The following PMF1 variants were observed in gnomAD, a reference collection of about 807,000 sequenced individuals.
PMF1 encodes the protein polyamine modulated factor 1.
In PMF1, 21 loss-of-function variants were observed where a neutral mutation model predicts 26.7. The ratio of observed to expected loss-of-function variants is 0.79; its 90% CI spans 0.56 to 1.13. PMF1 has a LOEUF of 1.13. Ranked by LOEUF, PMF1 falls within the 50% of genes most tolerant of loss-of-function variation. The pLI, the probability that PMF1 is intolerant of heterozygous loss-of-function variation, is 0.00. For synonymous variants in PMF1, 105 were observed against 101.0 expected, an observed-to-expected ratio of 1.04 and a Z score of -0.24; for missense variants, 266 against 254.9, an observed-to-expected ratio of 1.04 and a Z score of -0.30.
chr1:156,239,515 CCCAGT>C (rs754693293), intron 4 of PMF1, 28 bp from the exon 5 acceptor site: 7 of 1,594,966 alleles, frequency 4.4e-6, no homozygotes, highest in Non-Finnish European at 6.0e-6. Flanking sequence ...TTTCTTAGAT[CCCAGT>C]TTGTCTGTTG....
In PMF1 at chr1:156,239,152, C is replaced by G. The variant is rs73008609; in HGVS notation, c.565-396C>G. ...TAAAGCCATGCCCCACCCATTCCAG[C>G]TACAGACCCTCACGTTGTTTGACAT... On this transcript the variant is annotated intron_variant, in intron 4 of 4. Transcript: ENST00000368277. Among the ~76,000 whole-genome samples the G allele has an allele frequency of 3.9e-3, 600 of 152,374 alleles. 6 individuals carry two copies. Among genetic ancestry groups the G allele is most frequent in the African/African-American group, 0.014 (582 of 41,584 alleles).
At chr1:156,228,418 C>G (rs1167162234) in intron 1 of PMF1, among the ~76,000 whole-genome samples, 1 of 151,950 alleles carries the variant, frequency 6.6e-6, no homozygotes, top group Non-Finnish European at 1.5e-5. Context: ...CTGACACTGG[C>G]ACCAGTCTGG....
rs113998699 is a variant in PMF1, at chr1:156,236,270, C to T, written c.369-18C>T. ...CCTTCCGCCTCCTTCATTCCTTGTGCCCCGTGTGGCCCTCCAGGCGCCCCA... is the reference window on the plus strand; with the variant it reads ...CCTTCCGCCTCCTTCATTCCTTGTGTCCCGTGTGGCCCTCCAGGCGCCCCA... On this transcript the variant is annotated intron_variant, in intron 3 of 4. Coordinates refer to ENST00000368277, the MANE Select transcript of PMF1 (RefSeq NM_007221.4). The T allele has an allele frequency of 2.8e-4, 446 of 1,597,230 alleles. 4 individuals carry two copies. In the African/African-American group the frequency reaches 5.4e-3, roughly 19 times the overall value.
chr1:156,226,103 C>G (rs974417297), intron 1 of PMF1, among the ~76,000 whole-genome samples: 87 of 152,140 alleles, frequency 5.7e-4, no homozygotes, highest in African/African-American at 2.0e-3. Context: ...GATCCCCCCA[C>G]TTCGGCCTCC....
intron 1 of PMF1, among the ~76,000 whole-genome samples, chr1:156,226,652 T>C (rs1658386880): frequency 6.6e-6 from 1 of 152,236 alleles, no homozygotes; most frequent in South Asian, 2.1e-4. Context: ...ACTTTATATA[T>C]TTTACCTCAC....
Position 156,238,883 on chromosome 1 carries a change from C to CG in PMF1, c.565-665_565-664insG, listed in dbSNP as rs1037342044. On this transcript the variant is annotated intron_variant, in intron 4 of 4. Transcript: ENST00000368277. ...GGCGCGAAAGTGGTGGTGACAAAGG[C>CG]CCCCCCCCCAAGCCTGGTGCCATCT... is the stretch of plus-strand genomic sequence containing the variant. 5.0e-4 allele frequency among the ~76,000 whole-genome samples: 4 copies of CG among 7,964 alleles called. No homozygotes were observed. The Admixed American group carries it at 6.0e-3, about 12-fold the overall frequency. 5.2% of individuals were successfully genotyped at this position (7,964 alleles called of 152,430 possible).
chr1:156,237,418 G>GCAT (rs1458683816), intron 4 of PMF1: 2 of 149,140 alleles, frequency 1.3e-5, no homozygotes, highest in African/African-American at 4.9e-5. Context: ...ACTTTTCTCT[G>GCAT]CATCCTCACC....
intron 1 of PMF1, 34 bp downstream of exon 1, chr1:156,213,210 T>C: frequency 6.2e-7 from 1 of 1,603,286 alleles, no homozygotes; most frequent in African/African-American, 1.3e-5. Context: ...GGAGTGTTTG[T>C]TGGCACCGAA....
At chr1:156,235,894 C>G (rs1294783985) in intron 3 of PMF1, among the ~76,000 whole-genome samples, 1 of 152,204 alleles carries the variant, frequency 6.6e-6, no homozygotes, top group Non-Finnish European at 1.5e-5. Context: ...CCCAACCTCT[C>G]AAGCTCACAG....
chr1:156,237,866 C>T (rs577097698), intron 4 of PMF1, among the ~76,000 whole-genome samples: 1 of 152,150 alleles, frequency 6.6e-6, no homozygotes, highest in South Asian at 2.1e-4. Context: ...AAGTGATTCT[C>T]CTGCTTCAGC....
At chr1:156,233,207 G>A (rs1658817702) in intron 2 of PMF1, among the ~76,000 whole-genome samples, 1 of 151,974 alleles carries the variant, frequency 6.6e-6, no homozygotes, top group Non-Finnish European at 1.5e-5. Flanking sequence ...AGGCTATAGT[G>A]CAGTGGCGCA....
chr1:156,226,943 G>T (rs1008111278), intron 1 of PMF1, among the ~76,000 whole-genome samples: 1 of 152,184 alleles, frequency 6.6e-6, no homozygotes, highest in Non-Finnish European at 1.5e-5. Context: ...TGGCAGAGAG[G>T]TTGCAGAGGA....
At chr1:156,216,283 C>T (rs1657694604) in intron 1 of PMF1, among the ~76,000 whole-genome samples, 2 of 151,988 alleles carry the variant, frequency 1.3e-5, no homozygotes, top group African/African-American at 4.8e-5. Context: ...CCCAGCTACT[C>T]GGGAGGCTGA....
intron 1 of PMF1, among the ~76,000 whole-genome samples, chr1:156,230,652 TTGTC>T (rs754363384): frequency 6.6e-6 from 1 of 152,162 alleles, no homozygotes; most frequent in East Asian, 1.9e-4. Flanking sequence ...TAACTTGAGT[TTGTC>T]TGTCCAAGAG....
intron 1 of PMF1, among the ~76,000 whole-genome samples, chr1:156,219,637 G>A (rs895295951): frequency 2.0e-5 from 3 of 152,174 alleles, no homozygotes; most frequent in African/African-American, 4.8e-5. Flanking sequence ...CCAGGCTGGA[G>A]TGCAGTGGCA....
At chr1:156,224,130 C>T (rs1658229446) in intron 1 of PMF1, among the ~76,000 whole-genome samples, 1 of 152,070 alleles carries the variant, frequency 6.6e-6, no homozygotes, top group African/African-American at 2.4e-5. Context: ...GTCCAAGAGA[C>T]CAAATAACCT....
At chr1:156,220,054 C>T (rs1046354708) in intron 1 of PMF1, among the ~76,000 whole-genome samples, 2 of 151,708 alleles carry the variant, frequency 1.3e-5, no homozygotes, top group East Asian at 3.9e-4. Flanking sequence ...AGCTCCACCT[C>T]CCGGGTTCAC....
At chr1:156,226,126 A>G (rs1658359485) in intron 1 of PMF1, among the ~76,000 whole-genome samples, 1 of 152,044 alleles carries the variant, frequency 6.6e-6, no homozygotes, top group Admixed American at 6.6e-5. Context: ...AAGCACTGGG[A>G]TTACAGGTAT....
chr1:156,229,282 TGA>T (rs994514457), intron 1 of PMF1, among the ~76,000 whole-genome samples: 3 of 151,918 alleles, frequency 2.0e-5, no homozygotes, highest in Admixed American at 6.6e-5. Context: ...ACTGAAAAGG[TGA>T]GAGACCGCCA....
Sources: gnomAD v4.1 joint callset for allele counts (sites outside exome capture counted in the v4.1 genomes callset) on GRCh38, gnomAD v4.1.1 for gene constraint, MANE v1.5 for transcripts, NCBI Gene and HGNC (gene_info 2026-07-23, HGNC 2026-07-21) for gene names.